PATZ1: variants seen among roughly 807,000 people sequenced by gnomAD.
PATZ1 encodes the protein POZ/BTB and AT hook containing zinc finger 1.
A neutral mutation model predicts 46.2 loss-of-function variants in PATZ1; 9 were observed. The observed-to-expected ratio is 0.19, with a 90% confidence interval of 0.12 to 0.34. The LOEUF is 0.34. Ranked by LOEUF, PATZ1 falls within the 10% of genes least tolerant of loss-of-function variation. The probability of loss-of-function intolerance (pLI) is 1.00; values close to 1 mark genes in which losing one functional copy is unlikely to be tolerated. For synonymous variants in PATZ1, 426 were observed against 378.6 expected (o/e 1.13, Z -1.45); for missense variants, 632 against 923.0 (o/e 0.68, Z 4.08).
Position 31,342,912 on chromosome 22 carries a change from C to T in PATZ1, c.1320G>A (p.Arg440=). ...GHIKQVHTSE[R]PHKCQTCNAS... ...CAGCCCCTACCTGACACTTGTGAGG[C>T]CGCTCAGAAGTGTGCACCTGCTTGA... is the stretch of plus-strand genomic sequence containing the variant. Residue 440 remains arginine, a synonymous_variant, in exon 2 of 5, where the codon CGG becomes CGA. Coordinates refer to ENST00000266269, the MANE Select transcript of PATZ1 (RefSeq NM_014323.3). The T allele has an allele frequency of 1.2e-6, 2 of 1,614,038 alleles. No homozygotes were observed. The highest frequency in any genetic ancestry group is 2.2e-5 in the South Asian group (2 of 91,084).
rs1484408728 is a variant in PATZ1, at chr22:31,325,876, C to T, written c.*1015G>A. The T allele has an allele frequency of 2.4e-5, 5 of 206,860 alleles. No homozygotes were observed. Among genetic ancestry groups the T allele is most frequent in the Non-Finnish European group, 4.9e-5 (5 of 101,086 alleles). 12.8% of individuals were successfully genotyped at this position (206,860 alleles called of 1,614,324 possible). ...ACATCACAAGGTCAACCTGGGCTTGCTCACATGTGACACAACTGAGGTACA... is the reference window on the plus strand; with the variant it reads ...ACATCACAAGGTCAACCTGGGCTTGTTCACATGTGACACAACTGAGGTACA... On this transcript the variant is annotated 3_prime_UTR_variant, in exon 5 of 5. Transcript: ENST00000266269.
chr22:31,339,505 TCA>T (rs1266276898), intron 2 of PATZ1, among the ~76,000 whole-genome samples: 1 of 152,144 alleles, frequency 6.6e-6, no homozygotes, highest in East Asian at 1.9e-4. Flanking sequence ...GAGACAGATC[TCA>T]AAGGGAACAT....
intron 3 of PATZ1, among the ~76,000 whole-genome samples, chr22:31,331,589 G>A (rs1465753747): frequency 2.6e-5 from 4 of 151,944 alleles, no homozygotes; most frequent in African/African-American, 7.2e-5. Flanking sequence ...CGATCCACCC[G>A]CCTCGGCCTC....
intron 2 of PATZ1, among the ~76,000 whole-genome samples, chr22:31,340,044 C>A (rs1038558821): frequency 7.2e-5 from 11 of 152,222 alleles, no homozygotes; most frequent in African/African-American, 9.6e-5. Context: ...TAACCAGCCC[C>A]CAAGAAGTGG....
chr22:31,344,041 G>A (rs942495791), intron 1 of PATZ1, among the ~76,000 whole-genome samples: 14 of 152,234 alleles, frequency 9.2e-5, no homozygotes, highest in African/African-American at 2.9e-4. Flanking sequence ...CACAAAGGGA[G>A]CCCTGGGGGA....
At chr22:31,336,862 C>T (rs1161164477) in intron 2 of PATZ1, among the ~76,000 whole-genome samples, 10 of 147,546 alleles carry the variant, frequency 6.8e-5, no homozygotes, top group Non-Finnish European at 1.5e-4. Context: ...GTAATCCCAG[C>T]ACTTTGGGAG....
intron 1 of PATZ1, chr22:31,343,253 A>T (rs972569007): frequency 6.9e-6 from 8 of 1,152,252 alleles, no homozygotes; most frequent in South Asian, 2.3e-5. Context: ...CTAGGACCAG[A>T]GGCGGTGGCA....
chr22:31,344,296 C>T lies in PATZ1; in HGVS notation c.1271+36G>A, dbSNP rs193228984. The T allele has an allele frequency of 6.0e-3, 9,294 of 1,541,662 alleles. 45 individuals are homozygous for T. Among genetic ancestry groups the T allele is most frequent in the Non-Finnish European group, 7.1e-3 (8,033 of 1,138,950 alleles). ...AGGAGCCTTTTCAGGACTAAGATAA[C>T]GTGTGGCAGGGGAGGAAGAGGGGGC... On this transcript the variant is annotated intron_variant, in intron 1 of 4. Coordinates refer to ENST00000266269, the MANE Select transcript of PATZ1 (RefSeq NM_014323.3).
intron 3 of PATZ1, among the ~76,000 whole-genome samples, chr22:31,329,361 C>T (rs1397470468): frequency 6.6e-6 from 1 of 152,168 alleles, no homozygotes; most frequent in East Asian, 1.9e-4. Flanking sequence ...CAGCAGGATG[C>T]CTGCTTAATC....
At position 31,344,681 on chromosome 22, in the gene PATZ1, G is replaced by A; in HGVS notation, c.922C>T (p.Arg308Trp). 1.2e-6 allele frequency: 2 copies of A among 1,613,892 alleles called. No individual in the cohort carries two copies. The highest frequency in any genetic ancestry group is 1.7e-6 in the Non-Finnish European group (2 of 1,179,976). ...GKVFTDANRL[R>W]QHEAQHGVTS... ...ACACCGTGCTGGGCCTCGTGCTGCC[G>A]GAGCCGGTTGGCATCAGTGAACACC... Residue 308 changes from arginine to tryptophan, a missense_variant, in exon 1 of 5, where the codon CGG (arginine) becomes TGG (tryptophan). By Grantham distance (101) the Arg-to-Trp change is moderately radical (BLOSUM62 -3). Coordinates refer to ENST00000266269, the MANE Select transcript of PATZ1 (RefSeq NM_014323.3).
In PATZ1 at chr22:31,327,531, G is replaced by A. The variant is rs894414580; in HGVS notation, c.1646-222C>T. 2.0e-5 allele frequency among the ~76,000 whole-genome samples: 3 copies of A among 152,078 alleles called. No homozygotes were observed. Among genetic ancestry groups the A allele is most frequent in the Admixed American group, 2.0e-4 (3 of 15,276 alleles). ...TAGGGCTGCCAGCCTCCCTTGCTGT[G>A]GACTCTTCATGCAGCTGCACATGTA... On this transcript the variant is annotated intron_variant, in intron 4 of 4. Transcript: ENST00000266269. This position sits in a 1 kb window ranked among gnomAD's most constrained non-coding sequence, Gnocchi z 4.2.
chr22:31,344,291 G>A (rs2049620263), intron 1 of PATZ1, 41 bp downstream of exon 1: 3 of 1,534,190 alleles, frequency 2.0e-6, no homozygotes, highest in Non-Finnish European at 1.8e-6. Context: ...TCAGGACTAA[G>A]ATAACGTGTG....
rs201260359 is a variant in PATZ1, at chr22:31,344,977, T to A, written c.626A>T (p.Glu209Val). The A allele has an allele frequency of 8.6e-5, 139 of 1,613,972 alleles. No homozygotes were observed. In the East Asian group the frequency reaches 3.0e-3, roughly 35 times the overall value. ...SNGIAGSMQP[E>V]EEAARAAGAA... ...ACCAGCCGCCCGAGCTGCCTCCTCC[T>A]CTGGCTGCATGCTGCCGGCGATGCC... The change falls in exon 1 of 5, where the codon GAG (glutamate) becomes GTG (valine). Residue 209 changes from glutamate to valine, a missense_variant. Transcript: ENST00000266269.
At chr22:31,339,493 G>A (rs371791127) in intron 2 of PATZ1, among the ~76,000 whole-genome samples, 1 of 152,172 alleles carries the variant, frequency 6.6e-6, no homozygotes, top group African/African-American at 2.4e-5. Flanking sequence ...AAGGGGCGGA[G>A]GGAGACAGAT....
In PATZ1 at chr22:31,344,732, T is replaced by C. The variant is rs1036218137; in HGVS notation, c.871A>G (p.Ile291Val). Residue 291 changes from isoleucine (I) to valine (V), a missense_variant, in exon 1 of 5, where the codon ATC becomes GTC. Around this residue, in one of 7 missense-constraint regions of PATZ1, gnomAD observed 279 missense variants for 284.3 expected, o/e 0.98. Coordinates refer to ENST00000266269, the MANE Select transcript of PATZ1 (RefSeq NM_014323.3). Reference protein sequence around the residue: ...GSPGGLREAGILPCGLCGKVF... With the variant: ...GSPGGLREAGVLPCGLCGKVF... Reference sequence around the variant, plus strand: ...TTACCACATAGACCGCATGGAAGGATGCCTGCCTCCCTCAGGCCCCCTGGG... The same window carrying C: ...TTACCACATAGACCGCATGGAAGGACGCCTGCCTCCCTCAGGCCCCCTGGG... 7 of 1,610,922 alleles carry C rather than the reference T, an allele frequency of 4.3e-6. No homozygotes were observed. Among genetic ancestry groups the C allele is most frequent in the Non-Finnish European group, 5.9e-6 (7 of 1,177,926 alleles).
chr22:31,341,528 A>C (rs769762904), intron 2 of PATZ1: 3 of 1,613,972 alleles, frequency 1.9e-6, no homozygotes, highest in Admixed American at 3.3e-5. Context: ...CCAGGTTTTC[A>C]AGGGCTGGGA....
chr22:31,334,515 G>A (rs1045839350), intron 3 of PATZ1, among the ~76,000 whole-genome samples: 3 of 152,058 alleles, frequency 2.0e-5, no homozygotes, highest in South Asian at 2.1e-4. Flanking sequence ...CAACGATTCC[G>A]CCAAGGCCTG....
At chr22:31,332,615 G>A (rs902229443) in intron 3 of PATZ1, among the ~76,000 whole-genome samples, 28 of 152,238 alleles carry the variant, frequency 1.8e-4, no homozygotes, top group Non-Finnish European at 5.9e-5. Context: ...TGCAGGGGTT[G>A]GGGACTGCTT....
At position 31,328,987 on chromosome 22, in the gene PATZ1, A is replaced by G. The variant is rs11089499; in HGVS notation, c.1508-63T>C. ...CAAGAGATACCTCTCTCCTTCCCCC[A>G]ACTCCTCTCCTCTGGCCGCTCTGGC... On this transcript the variant is annotated intron_variant, in intron 3 of 4. Transcript: ENST00000266269. The surrounding 1 kb of genome is among the most constrained non-coding windows in gnomAD (Gnocchi z 4.8). The G allele has an allele frequency of 4.3e-5, 5 of 115,280 alleles. No homozygotes were observed. Among genetic ancestry groups the G allele is most frequent in the African/African-American group, 4.1e-3 (1 of 246 alleles). The allele number at this position is 115,280 out of a possible 1,614,324, so 7.1% of individuals were successfully genotyped here.
Sources: allele counts gnomAD v4.1 joint callset (sites outside exome capture counted in the v4.1 genomes callset), GRCh38; gene constraint gnomAD v4.1.1; regional missense constraint gnomAD v4.1.1; non-coding constraint Gnocchi (gnomAD v3.1); transcripts MANE v1.5; gene names NCBI Gene and HGNC (gene_info 2026-07-23, HGNC 2026-07-21).